Variants in STARD9 observed in about 807,000 individuals in gnomAD.
STARD9 encodes StAR related lipid transfer domain containing 9, also known as stAR-related lipid transfer protein 9.
A neutral mutation model predicts 399.8 loss-of-function variants in STARD9; 346 were observed. That is an observed-to-expected ratio of 0.87 (90% CI 0.79 to 0.95). The LOEUF (loss-of-function observed/expected upper bound fraction) is 0.95. STARD9 is among the 40% of genes least tolerant of loss of function. STARD9 has a pLI of 0.00. For missense variants in STARD9, 5,832 were observed against 5,667.5 expected (o/e 1.03, Z -0.93); for synonymous variants, 2,203 against 2,143.5 (o/e 1.03, Z -0.77).
intron 3 of STARD9, among the ~76,000 whole-genome samples, chr15:42,623,360 C>A (rs898071906): frequency 6.6e-6 from 1 of 152,138 alleles, no homozygotes; most frequent in Non-Finnish European, 1.5e-5. Context: ...TATGTCTCCT[C>A]TTTATTCATA....
intron 26 of STARD9, among the ~76,000 whole-genome samples, chr15:42,700,632 G>A (rs553352023): frequency 6.6e-6 from 1 of 152,074 alleles, no homozygotes; most frequent in African/African-American, 2.4e-5. Flanking sequence ...AATTCTTTGG[G>A]ATTTTTTGCT....
chr15:42,586,217 G>A (rs533331649), intron 3 of STARD9, among the ~76,000 whole-genome samples: 1 of 152,356 alleles, frequency 6.6e-6, no homozygotes, highest in African/African-American at 2.4e-5. Context: ...ATAGAGGTTA[G>A]TATCTTCTTT....
rs1448204125 is a variant in STARD9 at position 42,684,576 on chromosome 15, A to G, written c.2998A>G (p.Lys1000Glu). ...WRKEGNLGTH[K>E]AAKGASCNSL... ...AAAAGAAGGGAACCTTGGGACCCAC[A>G]AGGCTGCTAAGGGAGCCAGTTGCAA... The change falls in exon 23 of 33, where the codon AAG (lysine) becomes GAG (glutamate). Residue 1000 changes from lysine (K) to glutamate (E), a missense_variant. Lys to Glu is a moderately conservative substitution (Grantham distance 56, BLOSUM62 1). Around this residue, in one of 2 missense-constraint regions of STARD9, gnomAD observed 5,828 missense variants for 5,651.1 expected, o/e 1.03. Coordinates refer to ENST00000290607, the MANE Select transcript of STARD9 (RefSeq NM_020759.3). 2.0e-6 allele frequency: 3 copies of G among 1,537,126 alleles called. No individual in the cohort carries two copies. Among genetic ancestry groups the G allele is most frequent in the Non-Finnish European group, 2.6e-6 (3 of 1,146,922 alleles).
At position 42,688,795 on chromosome 15, in the gene STARD9, C is replaced by T; in HGVS notation, c.7217C>T (p.Ala2406Val). 2 of 1,537,444 alleles carry T rather than the reference C, an allele frequency of 1.3e-6. No homozygotes were observed. Among genetic ancestry groups the T allele is most frequent in the Non-Finnish European group, 1.7e-6 (2 of 1,146,950 alleles). Reference protein sequence around the residue: ...VRGRSSEAHTAWCGSVRSMAM... With the variant: ...VRGRSSEAHTVWCGSVRSMAM... Reference sequence around the variant, plus strand: ...GGGCGTTCCTCTGAGGCACACACTGCCTGGTGTGGGTCTGTGCGATCCATG... The same window carrying T: ...GGGCGTTCCTCTGAGGCACACACTGTCTGGTGTGGGTCTGTGCGATCCATG... Residue 2406 changes from alanine to valine, a missense_variant, in exon 23 of 33, where the codon GCC becomes GTC. Ala to Val is a moderately conservative substitution (Grantham distance 64). This residue lies in a region of STARD9 where 5,828 missense variants were observed against 5,651.1 expected (regional missense o/e 1.03). Coordinates refer to ENST00000290607, the MANE Select transcript of STARD9 (RefSeq NM_020759.3).
intron 3 of STARD9, among the ~76,000 whole-genome samples, chr15:42,614,652 C>G (rs1210393945): frequency 6.6e-6 from 1 of 152,058 alleles, no homozygotes; most frequent in Non-Finnish European, 1.5e-5. Context: ...GGGTCCCACA[C>G]CTGAAACTTA....
At chr15:42,700,950 G>T (rs1032137944) in intron 26 of STARD9, among the ~76,000 whole-genome samples, 1 of 152,110 alleles carries the variant, frequency 6.6e-6, no homozygotes, top group Non-Finnish European at 1.5e-5. Flanking sequence ...TAAGAGATAG[G>T]GGTCTAGTTT....
intron 20 of STARD9, among the ~76,000 whole-genome samples, chr15:42,680,011 G>C (rs1460394950): frequency 3.3e-5 from 5 of 152,144 alleles, no homozygotes; most frequent in Non-Finnish European, 7.3e-5. Flanking sequence ...TGGGATTGTG[G>C]GGAAGGCTAG....
chr15:42,624,760 ACTGGTCTCGAACTC>A (rs753949027), intron 3 of STARD9, among the ~76,000 whole-genome samples: 6 of 151,678 alleles, frequency 4.0e-5, no homozygotes, highest in Non-Finnish European at 7.4e-5. Context: ...TGTTGGCCAG[ACTGGTCTCGAACTC>A]CTGACCTCAG....
chr15:42,652,835 C>T lies in STARD9; in HGVS notation c.702+243C>T, dbSNP rs144589506. 1.0e-3 allele frequency among the ~76,000 whole-genome samples: 153 copies of T among 152,118 alleles called. 1 individual carries two copies. Among genetic ancestry groups the T allele is most frequent in the African/African-American group, 3.6e-3 (151 of 41,486 alleles). ...GGATTACAGGAGACGCCACCATGCCCGGCTAATTATTTTTTAATTTTTAGT... is the reference window on the plus strand; with the variant it reads ...GGATTACAGGAGACGCCACCATGCCTGGCTAATTATTTTTTAATTTTTAGT... On this transcript the variant is annotated intron_variant, in intron 9 of 32. Transcript: ENST00000290607.
intron 3 of STARD9, among the ~76,000 whole-genome samples, chr15:42,626,665 T>C (rs972566091): frequency 1.3e-5 from 2 of 151,442 alleles, no homozygotes; most frequent in African/African-American, 4.8e-5. Context: ...CACGCTCAGC[T>C]AATTTTGTAT....
At chr15:42,606,777 A>G (rs2058732220) in intron 3 of STARD9, among the ~76,000 whole-genome samples, 1 of 151,666 alleles carries the variant, frequency 6.6e-6, no homozygotes, top group Admixed American at 6.6e-5. Flanking sequence ...TTAGTTTTGT[A>G]TCCAGAGTAA....
In STARD9 at chr15:42,581,589, A is replaced by G. The variant is rs2058172105; in HGVS notation, c.48-1757A>G. 7.8e-5 allele frequency: 61 copies of G among 786,244 alleles called. 1 individual carries two copies. The South Asian group carries it at 9.4e-4, about 12-fold the overall frequency. 48.7% of individuals were successfully genotyped at this position (786,244 alleles called of 1,614,324 possible). On this transcript the variant is annotated intron_variant, in intron 1 of 32. Transcript: ENST00000290607. Reference sequence around the variant, plus strand: ...GCGGGTGGAAAAGCGAGCTCTGCGCACTCCTCGCTCGCTTCCTCTAGTTCC... The same window carrying G: ...GCGGGTGGAAAAGCGAGCTCTGCGCGCTCCTCGCTCGCTTCCTCTAGTTCC...
At chr15:42,704,333 A>G (rs773101658) in intron 26 of STARD9, among the ~76,000 whole-genome samples, 1 of 152,176 alleles carries the variant, frequency 6.6e-6, no homozygotes, top group Non-Finnish European at 1.5e-5. Context: ...CTTAGATTAT[A>G]CTTCTCAATC....
chr15:42,612,964 A>G (rs1595634505), intron 3 of STARD9, among the ~76,000 whole-genome samples: 4 of 149,470 alleles, frequency 2.7e-5, no homozygotes, highest in African/African-American at 7.4e-5. Flanking sequence ...AGCCTGGGCA[A>G]CAGAGCGAGA....
chr15:42,699,615 G>C lies in STARD9; in HGVS notation c.13284+3735G>C, dbSNP rs574401311. 2.6e-3 allele frequency among the ~76,000 whole-genome samples: 392 copies of C among 151,512 alleles called. 4 individuals carry two copies. The highest frequency in any genetic ancestry group is 9.0e-3 in the African/African-American group (369 of 41,222). ...TCACCATGTTAGCCAGGATGGTCTC[G>C]ATTTCCTGACCTCGTGATCTGCCCG... is the stretch of plus-strand genomic sequence containing the variant. On this transcript the variant is annotated intron_variant, in intron 26 of 32. Coordinates refer to ENST00000290607, the MANE Select transcript of STARD9 (RefSeq NM_020759.3).
At chr15:42,625,393 C>T (rs1404687219) in intron 3 of STARD9, among the ~76,000 whole-genome samples, 6 of 151,624 alleles carry the variant, frequency 4.0e-5, no homozygotes, top group Non-Finnish European at 8.8e-5. Context: ...TGCAGTGGCG[C>T]GATCTCGGCT....
intron 3 of STARD9, among the ~76,000 whole-genome samples, chr15:42,630,973 T>G (rs1379743864): frequency 6.6e-6 from 1 of 151,868 alleles, no homozygotes; most frequent in Non-Finnish European, 1.5e-5. Context: ...CGCTCTTACT[T>G]TTCTAGCTCT....
At chr15:42,608,978 C>A (rs771171778) in intron 3 of STARD9, among the ~76,000 whole-genome samples, 18 of 152,102 alleles carry the variant, frequency 1.2e-4, no homozygotes, top group Non-Finnish European at 2.2e-4. Flanking sequence ...GGTGCCATGT[C>A]CCAGCTTCAG....
chr15:42,593,875 A>G (rs575171832), intron 3 of STARD9, among the ~76,000 whole-genome samples: 3 of 151,624 alleles, frequency 2.0e-5, no homozygotes, highest in South Asian at 4.2e-4. Flanking sequence ...TCTCCGTGTT[A>G]GCCAGAATGG....
Sources: gnomAD v4.1 joint callset for allele counts (sites outside exome capture counted in the v4.1 genomes callset) on GRCh38, gnomAD v4.1.1 for gene constraint, gnomAD v4.1.1 regional missense constraint, MANE v1.5 for transcripts, NCBI Gene and HGNC (gene_info 2026-07-23, HGNC 2026-07-21) for gene names.